Variants in NDST3 observed in about 807,000 individuals in gnomAD.
The protein encoded by NDST3 is bifunctional heparan sulfate N-deacetylase/N-sulfotransferase 3.
NDST3 carries 58 observed loss-of-function variants against 96.1 expected under a neutral mutation model. The ratio of observed to expected loss-of-function variants is 0.60; its 90% CI spans 0.49 to 0.75. The LOEUF (loss-of-function observed/expected upper bound fraction) is 0.75. Among genes scored for constraint, NDST3 ranks in the 30% least tolerant of loss-of-function variants. NDST3 has a pLI of 0.00. For missense variants in NDST3, 788 were observed against 1,034.2 expected (o/e 0.76, Z 3.27); for synonymous variants, 333 against 359.7 (o/e 0.93, Z 0.84).
intron 4 of NDST3, among the ~76,000 whole-genome samples, chr4:118,126,537 C>CATATATATATATATACACAT (rs1553933946): frequency 4.9e-5 from 1 of 20,332 alleles, no homozygotes; most frequent in African/African-American, 7.5e-5. Flanking sequence ...TATATATACA[C>CATATATATATATATACACAT]ATATATATAT....
chr4:118,160,942 T>C (rs559789235), intron 6 of NDST3, among the ~76,000 whole-genome samples: 27 of 152,138 alleles, frequency 1.8e-4, no homozygotes, highest in African/African-American at 6.3e-4. Context: ...GGAGGAGAGG[T>C]GCTCTGCTTT....
intron 2 of NDST3, among the ~76,000 whole-genome samples, chr4:118,100,598 A>G (rs1729684488): frequency 6.6e-6 from 1 of 152,128 alleles, no homozygotes; most frequent in African/African-American, 2.4e-5. Context: ...AAAGTGGAAA[A>G]AAGAGCATCC....
At chr4:118,238,553 C>T (rs1387168089) in intron 10 of NDST3, among the ~76,000 whole-genome samples, 7 of 152,108 alleles carry the variant, frequency 4.6e-5, no homozygotes, top group African/African-American at 1.7e-4. Flanking sequence ...CTCTAGGACC[C>T]TTAGTTCTCA....
chr4:118,034,227 C>T (rs921974914), upstream of NDST3: 2 of 152,190 alleles, frequency 1.3e-5, no homozygotes, highest in Non-Finnish European at 2.9e-5. Context: ...TTCCGCTAGT[C>T]AGAAAATTGA....
chr4:118,154,745 G>A (rs775196941), intron 6 of NDST3, among the ~76,000 whole-genome samples: 111 of 152,186 alleles, frequency 7.3e-4, no homozygotes, highest in Non-Finnish European at 9.7e-4. Flanking sequence ...ATAGTATTCC[G>A]ACCAGAACTC....
chr4:118,197,862 C>T (rs1375147991), intron 6 of NDST3, among the ~76,000 whole-genome samples: 10 of 147,716 alleles, frequency 6.8e-5, no homozygotes, highest in African/African-American at 1.5e-4. Context: ...TACGGTGGCA[C>T]GATCTCGGCT....
intron 6 of NDST3, among the ~76,000 whole-genome samples, chr4:118,181,093 G>A (rs1000703514): frequency 6.6e-6 from 1 of 152,080 alleles, no homozygotes; most frequent in Non-Finnish European, 1.5e-5. Context: ...ACCTACTCAC[G>A]ATTCTCAGGG....
intron 4 of NDST3, among the ~76,000 whole-genome samples, chr4:118,132,168 C>T (rs1732683772): frequency 6.6e-6 from 1 of 152,166 alleles, no homozygotes. Context: ...TTCCTCCAGG[C>T]CCCAGGCAGG....
At chr4:118,071,627 A>G (rs1727084093) in intron 2 of NDST3, among the ~76,000 whole-genome samples, 2 of 152,072 alleles carry the variant, frequency 1.3e-5, no homozygotes, top group African/African-American at 4.8e-5. Context: ...ATGATATTCC[A>G]TGGCATATAT....
At chr4:118,144,538 A>T (rs903592176) in intron 6 of NDST3, among the ~76,000 whole-genome samples, 1 of 150,996 alleles carries the variant, frequency 6.6e-6, no homozygotes. Context: ...CCATTTGCAT[A>T]TATTTCTGCT....
chr4:118,243,192 C>A (rs1464795807), intron 12 of NDST3, among the ~76,000 whole-genome samples: 1 of 151,748 alleles, frequency 6.6e-6, no homozygotes, highest in African/African-American at 2.4e-5. Context: ...TTCCACAGAT[C>A]GAGTAGTTTT....
At chr4:118,145,312 T>C (rs1733861939) in intron 6 of NDST3, among the ~76,000 whole-genome samples, 1 of 152,208 alleles carries the variant, frequency 6.6e-6, no homozygotes, top group African/African-American at 2.4e-5. Context: ...CTTTAATCTA[T>C]CATCTGTAAA....
chr4:118,193,617 C>T (rs763549918), intron 6 of NDST3: 69 of 1,250,620 alleles, frequency 5.5e-5, no homozygotes, highest in South Asian at 1.2e-4. Context: ...TGGGCCTTGG[C>T]GGCTTCGTTG....
chr4:118,111,288 A>T (rs1479599028), intron 3 of NDST3, among the ~76,000 whole-genome samples: 1 of 152,086 alleles, frequency 6.6e-6, no homozygotes, highest in Non-Finnish European at 1.5e-5. Context: ...CAGGTAACAA[A>T]CCTGCATGTC....
intron 3 of NDST3, among the ~76,000 whole-genome samples, chr4:118,110,889 A>G (rs1338641740): frequency 6.6e-6 from 1 of 152,152 alleles, no homozygotes; most frequent in Non-Finnish European, 1.5e-5. Context: ...CACTATTCAC[A>G]CTAGCAAAGA....
At chr4:118,118,109 T>C (rs1322970583) in intron 4 of NDST3, among the ~76,000 whole-genome samples, 1 of 152,204 alleles carries the variant, frequency 6.6e-6, no homozygotes, top group Admixed American at 6.5e-5. Context: ...TGAAAAGTAC[T>C]CTGGAGAAAA....
Position 118,226,878 on chromosome 4 carries a change from C to T in NDST3, c.1723-8C>T. 6.3e-7 allele frequency: 1 copy of T among 1,596,420 alleles called. No homozygotes were observed. The highest frequency in any genetic ancestry group is 1.1e-5 in the South Asian group (1 of 88,788). On this transcript the variant is annotated splice_polypyrimidine_tract_variant and splice_region_variant and intron_variant, in intron 7 of 13. Coordinates refer to ENST00000296499, the MANE Select transcript of NDST3 (RefSeq NM_004784.3). ...AAAAATACATCTCTATGTTCTTCTC[C>T]CATTTAGAATCCTTGCGATGACAAA...
chr4:118,137,466 C>CA (rs995586772), intron 4 of NDST3, among the ~76,000 whole-genome samples: 88 of 151,222 alleles, frequency 5.8e-4, no homozygotes, highest in African/African-American at 2.1e-3. Flanking sequence ...GCTTCTACTT[C>CA]AAAAAAAATT....
chr4:118,185,615 G>A (rs555040160), intron 6 of NDST3, among the ~76,000 whole-genome samples: 2 of 152,140 alleles, frequency 1.3e-5, no homozygotes, highest in Non-Finnish European at 2.9e-5. Flanking sequence ...CATTCAGAGA[G>A]ATTCCAGTGC....
Sources: gnomAD v4.1 joint callset for allele counts (sites outside exome capture counted in the v4.1 genomes callset) on GRCh38, gnomAD v4.1.1 for gene constraint, MANE v1.5 for transcripts, NCBI Gene and HGNC (gene_info 2026-07-23, HGNC 2026-07-21) for gene names.